Variants in ZNF827 observed in about 807,000 individuals in gnomAD.
ZNF827 encodes the protein zinc finger protein 827.
A neutral mutation model predicts 102.4 loss-of-function variants in ZNF827; 13 were observed. The ratio of observed to expected loss-of-function variants is 0.13; its 90% CI spans 0.08 to 0.20. ZNF827 has a LOEUF of 0.20. Among genes scored for constraint, ZNF827 ranks in the 10% least tolerant of loss-of-function variants. The pLI is 1.00. For synonymous variants in ZNF827, 523 were observed against 536.2 expected (o/e 0.98, Z 0.34); for missense variants, 1,103 against 1,344.4 (o/e 0.82, Z 2.81).
chr4:145,898,551 TTCAG>T (rs1181472382), intron 2 of ZNF827, among the ~76,000 whole-genome samples: 1 of 152,200 alleles, frequency 6.6e-6, no homozygotes, highest in East Asian at 1.9e-4. Flanking sequence ...TCAAAGAGAA[TTCAG>T]TCAATGTGTG....
chr4:145,796,127 C>A (rs1221442702), intron 8 of ZNF827, among the ~76,000 whole-genome samples: 1 of 152,130 alleles, frequency 6.6e-6, no homozygotes, highest in African/African-American at 2.4e-5. Context: ...AAGGATGTAA[C>A]CACATGATTC....
chr4:145,859,154 C>T (rs1747466051), intron 5 of ZNF827, among the ~76,000 whole-genome samples: 2 of 152,046 alleles, frequency 1.3e-5, no homozygotes, highest in Admixed American at 1.3e-4. Context: ...GAGACCAGAA[C>T]CCAGGCAATA....
At position 145,761,210 on chromosome 4, in the gene ZNF827, C is replaced by A. The variant is rs561734416; in HGVS notation, c.*406G>T. The stretch of plus-strand genomic sequence containing the variant: ...CAGTCCCCACTCTGGTGCTTCTTGA[C>A]GTGGCGGCTGAAGACGAAAGGGTGT... On this transcript the variant is annotated 3_prime_UTR_variant, in exon 15 of 15. Coordinates refer to ENST00000508784, the MANE Select transcript of ZNF827 (RefSeq NM_001306215.2). This position sits in a 1 kb window ranked among gnomAD's most constrained non-coding sequence, Gnocchi z 6.8. 7.8e-7 allele frequency: 1 copy of A among 1,289,856 alleles called. No individual in the cohort carries two copies. Among genetic ancestry groups the A allele is most frequent in the East Asian group, 5.5e-5 (1 of 18,020 alleles). The allele number at this position is 1,289,856 out of a possible 1,614,324, so 79.9% of individuals were successfully genotyped here. A position where few individuals can be genotyped will look rare whatever the true frequency, so the allele number is the denominator to read the frequency against.
chr4:145,852,810 AG>A (rs1333960161), intron 5 of ZNF827, among the ~76,000 whole-genome samples: 5 of 152,136 alleles, frequency 3.3e-5, no homozygotes, highest in Admixed American at 6.5e-5. Context: ...GCTGGAGTGC[AG>A]TGGCTATTCA....
intron 4 of ZNF827, among the ~76,000 whole-genome samples, chr4:145,876,260 G>C (rs958026904): frequency 3.3e-5 from 5 of 152,234 alleles, no homozygotes; most frequent in Non-Finnish European, 7.3e-5. Context: ...GCTGGGAGCA[G>C]TTGGGGGTGG....
intron 7 of ZNF827, among the ~76,000 whole-genome samples, chr4:145,827,323 G>C (rs553177663): frequency 6.6e-6 from 1 of 152,342 alleles, no homozygotes; most frequent in East Asian, 1.9e-4. Context: ...GGGTGATGGA[G>C]GGGAGTAGGG....
At chr4:145,841,119 T>C (rs530372212) in intron 7 of ZNF827, among the ~76,000 whole-genome samples, 1 of 152,306 alleles carries the variant, frequency 6.6e-6, no homozygotes, top group Admixed American at 6.5e-5. Flanking sequence ...TATACCCCCA[T>C]GGACACTGAA....
chr4:145,789,828 A>C (rs575791725), intron 8 of ZNF827, among the ~76,000 whole-genome samples: 24 of 152,332 alleles, frequency 1.6e-4, no homozygotes, highest in African/African-American at 5.5e-4. Flanking sequence ...GATCACATAA[A>C]TCTAAAGAGA....
chr4:145,775,815 A>G lies in ZNF827; in HGVS notation c.2667T>C (p.Asp889=), dbSNP rs1435233825. 3.7e-6 allele frequency: 6 copies of G among 1,614,212 alleles called. No individual in the cohort carries two copies. Among genetic ancestry groups the G allele is most frequent in the Non-Finnish European group, 5.1e-6 (6 of 1,180,034 alleles). Residue 889 remains aspartate, a synonymous_variant, in exon 10 of 15, where the codon GAT becomes GAC. Coordinates refer to ENST00000508784, the MANE Select transcript of ZNF827 (RefSeq NM_001306215.2). ...TGTAATAATAAGGATGTTTCTTCCC[A>G]TCACTGCCTTCAGAGGTGACGGCGC... ...IVSAVTSEGS[D]GKKHPYYYSC...
chr4:145,903,901 G>A (rs892591036), intron 1 of ZNF827, among the ~76,000 whole-genome samples: 1 of 152,128 alleles, frequency 6.6e-6, no homozygotes, highest in African/African-American at 2.4e-5. Context: ...TCTGGCTTCT[G>A]ACTGTGACAG....
At chr4:145,929,390 GTCTCAC>G (rs1045604104) in intron 1 of ZNF827, among the ~76,000 whole-genome samples, 38 of 152,272 alleles carry the variant, frequency 2.5e-4, no homozygotes, top group Admixed American at 7.2e-4. Context: ...TCTAATTTGA[GTCTCAC>G]TCTAAGTGTC....
intron 9 of ZNF827, among the ~76,000 whole-genome samples, chr4:145,776,423 T>C (rs1386072666): frequency 6.7e-6 from 1 of 150,272 alleles, no homozygotes; most frequent in Non-Finnish European, 1.5e-5. Context: ...ATCACATCAC[T>C]GCACTCCAGC....
At chr4:145,793,222 G>T (rs1739944436) in intron 8 of ZNF827, among the ~76,000 whole-genome samples, 1 of 140,194 alleles carries the variant, frequency 7.1e-6, no homozygotes, top group Admixed American at 7.3e-5. Context: ...TCTGTATTAG[G>T]GTTCCCTAGA....
intron 4 of ZNF827, among the ~76,000 whole-genome samples, chr4:145,884,668 C>G (rs1328246377): frequency 6.6e-6 from 1 of 152,060 alleles, no homozygotes. Context: ...ACAAAGTGCC[C>G]TAAGACCTTG....
At chr4:145,856,033 T>C (rs928264240) in intron 5 of ZNF827, among the ~76,000 whole-genome samples, 1 of 152,084 alleles carries the variant, frequency 6.6e-6, no homozygotes, top group African/African-American at 2.4e-5. Context: ...TCTTTCTTCT[T>C]GCCCAGGCTG....
At chr4:145,772,889 T>C (rs926368685) in intron 11 of ZNF827, among the ~76,000 whole-genome samples, 1 of 152,252 alleles carries the variant, frequency 6.6e-6, no homozygotes, top group African/African-American at 2.4e-5. Context: ...CCTGTGGTAA[T>C]TACGAGGTAT....
chr4:145,806,521 A>G (rs751965955), intron 8 of ZNF827, among the ~76,000 whole-genome samples: 1 of 152,146 alleles, frequency 6.6e-6, no homozygotes, highest in Non-Finnish European at 1.5e-5. Flanking sequence ...CATACTGCTC[A>G]TCAAATATTT....
Position 145,902,236 on chromosome 4 carries a change from T to TGGTGGTGGA in ZNF827, c.1014_1022dup (p.Pro341_Pro343dup). ...ATAATAATTCCAGGGATTGTGGTGG[T>TGGTGGTGGA]GGTGGTGGAGGTGGTGGAGGTGGCG... On this transcript the variant is annotated inframe_insertion, in exon 2 of 15. Transcript: ENST00000508784. The surrounding 1 kb of genome is among the most constrained non-coding windows in gnomAD (Gnocchi z 4.3). 5.7e-6 allele frequency: 9 copies of TGGTGGTGGA among 1,576,498 alleles called. No homozygotes were observed. Among genetic ancestry groups the TGGTGGTGGA allele is most frequent in the South Asian group, 2.3e-5 (2 of 88,552 alleles).
At chr4:145,937,099 T>C (rs1754239868) in intron 1 of ZNF827, among the ~76,000 whole-genome samples, 1 of 152,062 alleles carries the variant, frequency 6.6e-6, no homozygotes, top group African/African-American at 2.4e-5. Context: ...ACTTTTAGCT[T>C]TAGCAGCATC....
Sources: gnomAD v4.1 joint callset for allele counts (sites outside exome capture counted in the v4.1 genomes callset) on GRCh38, gnomAD v4.1.1 for gene constraint, Gnocchi (gnomAD v3.1) non-coding constraint, MANE v1.5 for transcripts, NCBI Gene and HGNC (gene_info 2026-07-23, HGNC 2026-07-21) for gene names.